The following TIA1 variants were observed in gnomAD, a reference collection of about 807,000 sequenced individuals.
TIA1 encodes cytotoxic granule associated RNA binding protein TIA1.
A neutral mutation model predicts 65.9 loss-of-function variants in TIA1; 23 were observed. The observed-to-expected ratio is 0.35, with a 90% CI of 0.25 to 0.49. The LOEUF is 0.49. Among genes scored for constraint, TIA1 ranks in the 20% least tolerant of loss-of-function variants. The probability of loss-of-function intolerance (pLI) is 0.98; values close to 1 mark genes in which losing one functional copy is unlikely to be tolerated. For synonymous variants in TIA1, 147 were observed against 149.4 expected, an observed-to-expected ratio of 0.98 and a Z score of 0.12; for missense variants, 371 against 477.9, an observed-to-expected ratio of 0.78 and a Z score of 2.09.
intron 1 of TIA1, among the ~76,000 whole-genome samples, chr2:70,238,389 GCCA>G (rs889357906): frequency 7.0e-6 from 1 of 142,940 alleles, no homozygotes; most frequent in African/African-American, 2.6e-5. Context: ...TCCTGCCTCA[GCCA>G]CCCACGTAGC....
chr2:70,233,723 G>A (rs1687556144), intron 2 of TIA1, among the ~76,000 whole-genome samples: 1 of 150,944 alleles, frequency 6.6e-6, no homozygotes, highest in South Asian at 2.1e-4. Flanking sequence ...CTGAGATCAT[G>A]CCATTGCACT....
intron 7 of TIA1, among the ~76,000 whole-genome samples, chr2:70,223,382 G>A (rs1383546089): frequency 6.6e-6 from 1 of 151,890 alleles, no homozygotes; most frequent in Non-Finnish European, 1.5e-5. Flanking sequence ...GTACATGATT[G>A]AGCTTGTATT....
chr2:70,236,459 A>C (rs1278770256), intron 1 of TIA1, among the ~76,000 whole-genome samples: 1 of 151,878 alleles, frequency 6.6e-6, no homozygotes, highest in African/African-American at 2.4e-5. Flanking sequence ...TCAGCCTCCC[A>C]AAGTGCTGAA....
chr2:70,228,882 T>G, intron 5 of TIA1, 177 bp downstream of exon 5: 11 of 1,448,266 alleles, frequency 7.6e-6, no homozygotes, highest in Non-Finnish European at 1.0e-5. Flanking sequence ...AGCACCAAAG[T>G]AGCGGACAAG....
rs142977193 is a variant in TIA1 at position 70,219,984 on chromosome 2, G to A, written c.475-2990C>T. On this transcript the variant is annotated intron_variant, in intron 7 of 12. Transcript: ENST00000433529. ...TGTGTTGAATTGTGTCCCTCAAAAC[G>A]ATATGAAGTCCTATACCCTGGTATC... Among the ~76,000 whole-genome samples, 44 of 152,122 alleles carry A rather than the reference G, an allele frequency of 2.9e-4. No homozygotes were observed. In the East Asian group the frequency reaches 7.1e-3, roughly 25 times the overall value.
chr2:70,218,946 C>G (rs1210858396), intron 7 of TIA1, among the ~76,000 whole-genome samples: 2 of 152,114 alleles, frequency 1.3e-5, no homozygotes, highest in African/African-American at 2.4e-5. Context: ...AAAGATAACT[C>G]TTAGGTTCCT....
intron 1 of TIA1, among the ~76,000 whole-genome samples, chr2:70,238,814 G>A (rs894939386): frequency 3.3e-4 from 51 of 152,248 alleles, no homozygotes; most frequent in African/African-American, 1.0e-3. Context: ...ACTTTTGGAG[G>A]CCAAGGTGGA....
intron 12 of TIA1, 82 bp downstream of exon 12, chr2:70,214,267 C>G: frequency 6.7e-7 from 1 of 1,493,500 alleles, no homozygotes; most frequent in South Asian, 1.3e-5. Context: ...CTATTACCCA[C>G]TAATTCTTAA....
chr2:70,229,539 C>T (rs1279098968), intron 3 of TIA1, among the ~76,000 whole-genome samples: 1 of 152,176 alleles, frequency 6.6e-6, no homozygotes, highest in Non-Finnish European at 1.5e-5. Context: ...TTAACCTTTC[C>T]TACCTAAAGT....
rs1217103620 is a variant in TIA1 at position 70,248,472 on chromosome 2, G to A, written c.-42C>T. 10 of 1,600,738 alleles carry A rather than the reference G, an allele frequency of 6.2e-6. No individual in the cohort carries two copies. Among genetic ancestry groups the A allele is most frequent in the Non-Finnish European group, 8.5e-6 (10 of 1,179,934 alleles). ...GCGGCGCCTCCAGGTCCAGCTCCCT[G>A]CCCTTCACTACCTCCCAAATCGTTT... On this transcript the variant is annotated 5_prime_UTR_variant, in exon 1 of 13. Coordinates refer to ENST00000433529, the MANE Select transcript of TIA1 (RefSeq NM_022173.4).
intron 1 of TIA1, among the ~76,000 whole-genome samples, chr2:70,240,699 T>C (rs1245934047): frequency 1.3e-5 from 2 of 152,098 alleles, no homozygotes; most frequent in Non-Finnish European, 2.9e-5. Flanking sequence ...TGAAACCTCA[T>C]CTCTACTACA....
In TIA1 at chr2:70,211,909, ATTTTC is replaced by A. The variant is rs1676580589; in HGVS notation, c.*805_*809del. ...CATAAGAACTTATCACATTTCAGAT[ATTTTC>A]TTTAGTAACAAGTTTTTGTTTTTAT... On this transcript the variant is annotated 3_prime_UTR_variant, in exon 13 of 13. Coordinates refer to ENST00000433529, the MANE Select transcript of TIA1 (RefSeq NM_022173.4). The A allele has an allele frequency of 6.6e-6, 1 of 152,526 alleles. No individual in the cohort carries two copies. The highest frequency in any genetic ancestry group is 2.4e-5 in the African/African-American group (1 of 41,466). The allele number at this position is 152,526 out of a possible 1,614,324, so 9.4% of individuals were successfully genotyped here. A position where few individuals can be genotyped will look rare whatever the true frequency, so the allele number is the denominator to read the frequency against.
At chr2:70,241,345 G>A (rs1691614217) in intron 1 of TIA1, among the ~76,000 whole-genome samples, 2 of 152,070 alleles carry the variant, frequency 1.3e-5, no homozygotes, top group South Asian at 4.1e-4. Context: ...GGGAGGCCGA[G>A]GCAGGAGAAT....
intron 10 of TIA1, 80 bp from the exon 11 acceptor site, chr2:70,215,574 G>T (rs752486333): frequency 7.5e-7 from 1 of 1,337,824 alleles, no homozygotes; most frequent in Non-Finnish European, 1.0e-6. Flanking sequence ...AAAAATCAAG[G>T]TGAGTCTGAG....
chr2:70,226,665 ACTGT>A (rs1210152064), intron 6 of TIA1, among the ~76,000 whole-genome samples: 16 of 152,162 alleles, frequency 1.1e-4, no homozygotes, highest in Non-Finnish European at 1.9e-4. Context: ...AAAGGCTAAG[ACTGT>A]CTAAGTCCAG....
At chr2:70,219,613 A>G (rs1680281528) in intron 7 of TIA1, among the ~76,000 whole-genome samples, 2 of 152,070 alleles carry the variant, frequency 1.3e-5, no homozygotes, top group Admixed American at 6.5e-5. Flanking sequence ...TAGGACTATA[A>G]GCATGCACCA....
chr2:70,216,100 T>A, intron 10 of TIA1, 108 bp downstream of exon 10: 14 of 1,052,282 alleles, frequency 1.3e-5, no homozygotes, highest in Non-Finnish European at 1.9e-5. Context: ...GAAAACGAGG[T>A]AAATGTTCAA....
At chr2:70,235,550 G>GTGTGTGTGTC (rs1688483216) in intron 2 of TIA1, among the ~76,000 whole-genome samples, 1 of 151,374 alleles carries the variant, frequency 6.6e-6, no homozygotes, top group African/African-American at 2.4e-5. Context: ...GAGTGTGTGT[G>GTGTGTGTGTC]TGTGTGTGTG....
At chr2:70,220,169 G>C (rs1424359845) in intron 7 of TIA1, among the ~76,000 whole-genome samples, 1 of 152,094 alleles carries the variant, frequency 6.6e-6, no homozygotes, top group African/African-American at 2.4e-5. Flanking sequence ...CCAGCACTTG[G>C]GAGGCCGAGG....
Sources: gnomAD v4.1 joint callset for allele counts (sites outside exome capture counted in the v4.1 genomes callset) on GRCh38, gnomAD v4.1.1 for gene constraint, MANE v1.5 for transcripts, NCBI Gene and HGNC (gene_info 2026-07-23, HGNC 2026-07-21) for gene names.